MYO9B: variants seen among roughly 807,000 people sequenced by gnomAD.
MYO9B encodes the protein unconventional myosin-IXb.
Under a neutral mutation model 229.5 loss-of-function variants are expected in MYO9B, and 71 were observed. The observed-to-expected ratio is 0.31, with a 90% CI of 0.26 to 0.38. The LOEUF (loss-of-function observed/expected upper bound fraction) is 0.38. Among genes scored for constraint, MYO9B ranks in the 10% least tolerant of loss-of-function variants. The pLI is 1.00. For synonymous variants in MYO9B, 1,185 were observed against 1,235.8 expected (o/e 0.96, Z 0.86); for missense variants, 2,255 against 2,920.5 (o/e 0.77, Z 5.25).
chr19:17,206,279 C>T lies in MYO9B; in HGVS notation c.5289C>T (p.Pro1763=). 6.3e-7 allele frequency: 1 copy of T among 1,595,748 alleles called. No individual in the cohort carries two copies. The highest frequency in any genetic ancestry group is 8.5e-7 in the Non-Finnish European group (1 of 1,172,914). ...DPAAVKLENF[P]IHAITGVLKQ... Reference sequence around the variant, plus strand: ...CAGCAGTCAAGCTGGAGAACTTCCCCATCCACGCCATCACAGGGGTGCTGA... The same window carrying T: ...CAGCAGTCAAGCTGGAGAACTTCCCTATCCACGCCATCACAGGGGTGCTGA... Residue 1763 remains proline, a synonymous_variant, in exon 33 of 40, where the codon CCC becomes CCT. Coordinates refer to ENST00000682292, the MANE Select transcript of MYO9B (RefSeq NM_004145.4).
Position 17,212,214 on chromosome 19 carries a change from C to T in MYO9B, c.6378C>T (p.Pro2126=), listed in dbSNP as rs771267005. 5 of 1,583,714 alleles carry T rather than the reference C, an allele frequency of 3.2e-6. No individual in the cohort carries two copies. In the African/African-American group the frequency reaches 5.4e-5, roughly 17 times the overall value. The change falls in exon 40 of 40, where the codon CCC becomes CCT. Residue 2126 remains proline (P), a synonymous_variant. Transcript: ENST00000682292. The surrounding 1 kb of genome is among the most constrained non-coding windows in gnomAD (Gnocchi z 5.4). ...ADLPVQGALE[P]LEEDGQPPGA... ...TGCCAGTGCAGGGCGCCCTGGAGCC[C>T]CTAGAAGAGGATGGCCAGCCACCTG...
intron 1 of MYO9B, among the ~76,000 whole-genome samples, chr19:17,083,859 C>T (rs1431595131): frequency 6.6e-6 from 1 of 151,816 alleles, no homozygotes; most frequent in African/African-American, 2.4e-5. Context: ...CCATGTTGGC[C>T]AGGCTGGTCT....
chr19:17,156,780 C>T lies in MYO9B; in HGVS notation c.1200-129C>T, dbSNP rs140947595. 7.5e-6 allele frequency: 8 copies of T among 1,072,860 alleles called. No individual in the cohort carries two copies. The African/African-American group carries it at 8.0e-5, about 11-fold the overall frequency. The allele number at this position is 1,072,860 out of a possible 1,614,324, so 66.5% of individuals were successfully genotyped here. A position where few individuals can be genotyped will look rare whatever the true frequency, so the allele number is the denominator to read the frequency against. ...GGCCATCCTCAACAGAGGCCTTAGA[C>T]ATTTTTCAAATTTCATGCGTTCCGA... On this transcript the variant is annotated intron_variant, in intron 6 of 39. Coordinates refer to ENST00000682292, the MANE Select transcript of MYO9B (RefSeq NM_004145.4).
intron 24 of MYO9B, among the ~76,000 whole-genome samples, chr19:17,198,617 C>A (rs2073072849): frequency 6.6e-6 from 1 of 151,928 alleles, no homozygotes; most frequent in Non-Finnish European, 1.5e-5. Context: ...CACCTATAAT[C>A]CCAGCCACTC....
rs1568284554 is a variant in MYO9B, at chr19:17,172,818, C to T, written c.1995C>T (p.Gly665=). Residue 665 remains glycine, a synonymous_variant, in exon 13 of 40, where the codon GGC becomes GGT. Coordinates refer to ENST00000682292, the MANE Select transcript of MYO9B (RefSeq NM_004145.4). The surrounding 1 kb of genome is among the most constrained non-coding windows in gnomAD (Gnocchi z 8.2). ...CAGACATCGTGGCCCTGCTGCGGGG[C>T]AGTGACAGCTCCTACGTGCGGGAGC... The part of the protein sequence containing the change: ...MRPDIVALLR[G]SDSSYVRELI... The T allele has an allele frequency of 6.2e-7, 1 of 1,612,984 alleles. No individual in the cohort carries two copies. Among genetic ancestry groups the T allele is most frequent in the Non-Finnish European group, 8.5e-7 (1 of 1,179,864 alleles).
Position 17,206,025 on chromosome 19 carries a change from C to G in MYO9B, c.5130C>G (p.Ala1710=). ...VCVDSLTSDK[A]SVPIVLEKLL... ...TAGACAGCCTGACCAGCGACAAGGC[C>G]TCGGTGCCCATCGTGCTGGAGAAGC... The change falls in exon 32 of 40, where the codon GCC becomes GCG. Residue 1710 remains alanine, a synonymous_variant. Coordinates refer to ENST00000682292, the MANE Select transcript of MYO9B (RefSeq NM_004145.4). The G allele has an allele frequency of 6.2e-7, 1 of 1,608,414 alleles. No homozygotes were observed. Among genetic ancestry groups the G allele is most frequent in the South Asian group, 1.1e-5 (1 of 90,874 alleles).
In MYO9B at chr19:17,207,119, C is replaced by T. The variant is rs1311204236; in HGVS notation, c.5499C>T (p.Ala1833=). 2 of 1,610,572 alleles carry T rather than the reference C, an allele frequency of 1.2e-6. No homozygotes were observed. Among genetic ancestry groups the T allele is most frequent in the Admixed American group, 1.7e-5 (1 of 59,714 alleles). ...ACTGCCAGTGGCTGTGCAGGGTGGCCCTGCTCGAGGATGTCAACCGCATGT... is the reference window on the plus strand; with the variant it reads ...ACTGCCAGTGGCTGTGCAGGGTGGCTCTGCTCGAGGATGTCAACCGCATGT... ...ERLIFHLVKV[A]LLEDVNRMSP... The change falls in exon 35 of 40, where the codon GCC becomes GCT. Residue 1833 remains alanine (A), a synonymous_variant. Coordinates refer to ENST00000682292, the MANE Select transcript of MYO9B (RefSeq NM_004145.4).
chr19:17,096,702 G>GGT (rs776524832), intron 1 of MYO9B, among the ~76,000 whole-genome samples: 9 of 29,574 alleles, frequency 3.0e-4, no homozygotes, highest in South Asian at 2.6e-3. Context: ...TGTTGTTGTT[G>GGT]TTGGTTTTTT....
At position 17,203,378 on chromosome 19, in the gene MYO9B, G is replaced by A. The variant is rs577646722; in HGVS notation, c.4990+120G>A. The A allele has an allele frequency of 3.9e-5, 27 of 697,508 alleles. No individual in the cohort carries two copies. The East Asian group carries it at 7.8e-4, about 20-fold the overall frequency. 43.2% of individuals were successfully genotyped at this position (697,508 alleles called of 1,614,324 possible). ...ACCTGTAATCCCAGCACTTTGGGAG[G>A]CCGAGGCAGGTGGATAACGAGGTCA... is the stretch of plus-strand genomic sequence containing the variant. On this transcript the variant is annotated intron_variant, in intron 30 of 39. Transcript: ENST00000682292.
In MYO9B at chr19:17,212,123, G is replaced by A. The variant is rs780135957; in HGVS notation, c.6287G>A (p.Arg2096His). Residue 2096 changes from arginine to histidine, a missense_variant, in exon 40 of 40, where the codon CGC becomes CAC. Coordinates refer to ENST00000682292, the MANE Select transcript of MYO9B (RefSeq NM_004145.4). This position sits in a 1 kb window ranked among gnomAD's most constrained non-coding sequence, Gnocchi z 5.4. Reference protein sequence around the residue: ...GAREAAAPVRRREPPARRPDQ... With the variant: ...GAREAAAPVRHREPPARRPDQ... Reference sequence around the variant, plus strand: ...CGGGAGGCGGCTGCCCCAGTGCGGCGCCGGGAGCCACCTGCCCGCCGCCCG... The same window carrying A: ...CGGGAGGCGGCTGCCCCAGTGCGGCACCGGGAGCCACCTGCCCGCCGCCCG... 101 of 1,589,640 alleles carry A rather than the reference G, an allele frequency of 6.4e-5. No homozygotes were observed. In the Admixed American group the frequency reaches 1.5e-3, roughly 24 times the overall value.
At chr19:17,082,708 A>G (rs1979261) in intron 1 of MYO9B, among the ~76,000 whole-genome samples, 86,851 of 151,954 alleles carry the variant, frequency 0.57, 25,551 homozygotes, top group African/African-American at 0.7. Flanking sequence ...TTTATTGGGT[A>G]GGCACAAGAA....
chr19:17,185,023 G>A, intron 17 of MYO9B, 36 bp downstream of exon 17: 2 of 1,613,142 alleles, frequency 1.2e-6, no homozygotes, highest in African/African-American at 2.7e-5. Flanking sequence ...GTGGCGGTCA[G>A]CTCAGCCTCA....
intron 2 of MYO9B, among the ~76,000 whole-genome samples, chr19:17,121,463 A>ATATATATATATATATATATATATATC (rs1030275525): frequency 2.3e-4 from 34 of 149,972 alleles, no homozygotes; most frequent in African/African-American, 8.3e-4. Flanking sequence ...ATATATATAT[A>ATATATATATATATATATATATATATC]TCCAAGAGCT....
intron 1 of MYO9B, among the ~76,000 whole-genome samples, chr19:17,096,687 GTT>G (rs1357367024): frequency 8.7e-4 from 97 of 111,588 alleles, no homozygotes; most frequent in African/African-American, 3.0e-3. Flanking sequence ...TGTTGTTGTT[GTT>G]GTTGTTGTTG....
intron 2 of MYO9B, among the ~76,000 whole-genome samples, chr19:17,108,648 A>G (rs2057816555): frequency 6.6e-6 from 1 of 152,204 alleles, no homozygotes; most frequent in Non-Finnish European, 1.5e-5. Context: ...ATCACTGTTC[A>G]TTGCAGCCAC....
intron 19 of MYO9B, 114 bp from the exon 20 acceptor site, chr19:17,190,983 T>C (rs2072978188): frequency 8.8e-7 from 1 of 1,142,808 alleles, no homozygotes; most frequent in East Asian, 2.6e-5. Flanking sequence ...AGATTTGTCA[T>C]TACCATTCCT....
chr19:17,154,127 T>C, intron 5 of MYO9B, 61 bp downstream of exon 5: 2 of 1,525,044 alleles, frequency 1.3e-6, no homozygotes, highest in Admixed American at 1.7e-5. Flanking sequence ...AAGCTGTTTA[T>C]GTATAGCCGG....
intron 24 of MYO9B, among the ~76,000 whole-genome samples, chr19:17,198,734 CAAAAA>C (rs59292415): frequency 7.3e-5 from 3 of 41,218 alleles, no homozygotes; most frequent in Non-Finnish European, 1.5e-4. Flanking sequence ...GACTCCGTCT[CAAAAA>C]AAAAAAAAAA....
intron 2 of MYO9B, among the ~76,000 whole-genome samples, chr19:17,118,377 G>T (rs2057927628): frequency 1.3e-5 from 2 of 152,008 alleles, no homozygotes; most frequent in South Asian, 4.1e-4. Flanking sequence ...TGAGGCAGGA[G>T]GATAGCTTGA....
Sources: gnomAD v4.1 joint callset for allele counts (sites outside exome capture counted in the v4.1 genomes callset) on GRCh38, gnomAD v4.1.1 for gene constraint, Gnocchi (gnomAD v3.1) non-coding constraint, MANE v1.5 for transcripts, NCBI Gene and HGNC (gene_info 2026-07-23, HGNC 2026-07-21) for gene names.